Variants in MAST4 observed in about 807,000 individuals in gnomAD.
The protein encoded by MAST4 is microtubule-associated serine/threonine-protein kinase 4.
MAST4 carries 89 observed loss-of-function variants against 162.7 expected under a neutral mutation model. The observed-to-expected ratio is 0.55, with a 90% CI of 0.46 to 0.65. MAST4 has a LOEUF of 0.65. MAST4 is among the 30% of genes least tolerant of loss of function. The pLI, the probability that MAST4 is intolerant of heterozygous loss-of-function variation, is 0.00. For synonymous variants in MAST4, 1,479 were observed against 1,361.1 expected (o/e 1.09, Z -1.91); for missense variants, 3,153 against 3,374.0 (o/e 0.93, Z 1.62).
chr5:67,165,941 A>C lies in MAST4; in HGVS notation c.6762A>C (p.Pro2254=). 6.2e-7 allele frequency: 1 copy of C among 1,613,406 alleles called. No individual in the cohort carries two copies. Among genetic ancestry groups the C allele is most frequent in the Non-Finnish European group, 8.5e-7 (1 of 1,179,840 alleles). The change falls in exon 29 of 29, where the codon CCA becomes CCC. Residue 2254 remains proline, a synonymous_variant. Transcript: ENST00000403625. ...KSGPDVFPAT[P]GSQNKASDGI... is the part of the protein sequence containing the mutation. ...GGCCGGATGTGTTTCCTGCTACCCCAGGCTCCCAGAACAAAGCCAGCGATG... is the reference window on the plus strand; with the variant it reads ...GGCCGGATGTGTTTCCTGCTACCCCCGGCTCCCAGAACAAAGCCAGCGATG...
Position 66,817,126 on chromosome 5 carries a change from C to A in MAST4, c.642+28332C>A, listed in dbSNP as rs78643416. On this transcript the variant is annotated intron_variant, in intron 3 of 28. Coordinates refer to ENST00000403625, the MANE Select transcript of MAST4 (RefSeq NM_001164664.2). ...TTTGTTTATCCATGTGTCTTGCGAC[C>A]CCATGACTGCATTCTGGTGGGACTG... is the stretch of plus-strand genomic sequence containing the variant. Among the ~76,000 whole-genome samples, 664 of 152,238 alleles carry A rather than the reference C, an allele frequency of 4.4e-3. 6 individuals carry two copies. Among genetic ancestry groups the A allele is most frequent in the African/African-American group, 0.016 (646 of 41,552 alleles).
chr5:67,027,172 A>G (rs76063378), intron 4 of MAST4, among the ~76,000 whole-genome samples: 2,950 of 152,246 alleles, frequency 0.019, 115 homozygotes, highest in African/African-American at 0.068. Flanking sequence ...GCAGTTTTAT[A>G]CTTTAATGTT....
chr5:66,727,315 A>G (rs1179416201), intron 1 of MAST4, among the ~76,000 whole-genome samples: 2 of 152,132 alleles, frequency 1.3e-5, no homozygotes, highest in African/African-American at 2.4e-5. Flanking sequence ...TTCTATTTCA[A>G]TTTCTGCAAA....
chr5:66,774,815 A>T (rs75857369), intron 2 of MAST4, among the ~76,000 whole-genome samples: 2,298 of 152,282 alleles, frequency 0.015, 58 homozygotes, highest in African/African-American at 0.051. Flanking sequence ...GTTTACTTGA[A>T]TTTAAATGTA....
intron 4 of MAST4, among the ~76,000 whole-genome samples, chr5:66,968,847 C>G (rs1443372396): frequency 6.6e-6 from 1 of 152,066 alleles, no homozygotes. Flanking sequence ...AAGTTAGACC[C>G]CAGCTTATAT....
intron 3 of MAST4, among the ~76,000 whole-genome samples, chr5:66,891,228 C>G (rs1175018856): frequency 2.0e-5 from 3 of 152,052 alleles, no homozygotes; most frequent in Admixed American, 6.6e-5. Context: ...TGAATGGTAC[C>G]CTGTCCTGAG....
chr5:66,998,133 A>G (rs1320892044), intron 4 of MAST4, among the ~76,000 whole-genome samples: 2 of 152,252 alleles, frequency 1.3e-5, no homozygotes, highest in Non-Finnish European at 2.9e-5. Context: ...AATTACAGAA[A>G]GGTCTTAGTG....
intron 1 of MAST4, among the ~76,000 whole-genome samples, chr5:66,697,889 C>T (rs1225131390): frequency 6.6e-6 from 1 of 152,060 alleles, no homozygotes; most frequent in East Asian, 1.9e-4. Flanking sequence ...ACAAAGGGGG[C>T]CTGAAACCAA....
chr5:67,140,308 G>A (rs1443220576), intron 19 of MAST4, among the ~76,000 whole-genome samples: 4 of 152,328 alleles, frequency 2.6e-5, no homozygotes, highest in East Asian at 1.9e-4. Context: ...CTTAGCTTTC[G>A]TATTCTGTTT....
chr5:67,090,033 C>T (rs541824765), intron 5 of MAST4, 129 bp from the exon 6 acceptor site: 7 of 595,188 alleles, frequency 1.2e-5, no homozygotes, highest in South Asian at 3.5e-5. Flanking sequence ...CCAGGTAAAA[C>T]TAAAGCATTA....
At chr5:66,808,896 G>A (rs72761254) in intron 3 of MAST4, among the ~76,000 whole-genome samples, 11 of 152,170 alleles carry the variant, frequency 7.2e-5, no homozygotes, top group Admixed American at 2.0e-4. Flanking sequence ...CCCTGCCTTC[G>A]TGGAAATTAA....
intron 19 of MAST4, 76 bp downstream of exon 19, chr5:67,136,740 G>A (rs1316042447): frequency 8.3e-7 from 1 of 1,211,298 alleles, no homozygotes; most frequent in Non-Finnish European, 1.2e-6. Flanking sequence ...AGCTTTTGTT[G>A]TTGTTTTGCT....
intron 3 of MAST4, among the ~76,000 whole-genome samples, chr5:66,791,057 C>T (rs1755378801): frequency 6.6e-6 from 1 of 151,908 alleles, no homozygotes; most frequent in Non-Finnish European, 1.5e-5. Context: ...GAGTTTCGCT[C>T]CTGTTGCCCA....
chr5:66,963,965 T>C, intron 4 of MAST4: 1 of 707,098 alleles, frequency 1.4e-6, no homozygotes, highest in Admixed American at 2.0e-5. Context: ...TATTTACTCA[T>C]ATTTCACTTG....
intron 4 of MAST4, among the ~76,000 whole-genome samples, chr5:67,022,515 CAT>C (rs1223287021): frequency 1.3e-5 from 2 of 151,936 alleles, no homozygotes; most frequent in African/African-American, 2.4e-5. Flanking sequence ...AAAATTCCCT[CAT>C]GTGGAACTTG....
intron 1 of MAST4, among the ~76,000 whole-genome samples, chr5:66,674,118 C>G (rs945606310): frequency 6.6e-6 from 1 of 152,122 alleles, no homozygotes; most frequent in Admixed American, 6.6e-5. Flanking sequence ...GGTCATACAA[C>G]CTGATATTCC....
intron 1 of MAST4, among the ~76,000 whole-genome samples, chr5:66,628,595 C>G (rs981895497): frequency 1.2e-4 from 18 of 151,466 alleles, no homozygotes; most frequent in African/African-American, 4.1e-4. Context: ...TTTTTTTTAC[C>G]TTCAATCAAC....
At chr5:66,954,720 G>C (rs138606471) in intron 4 of MAST4, among the ~76,000 whole-genome samples, 1 of 152,092 alleles carries the variant, frequency 6.6e-6, no homozygotes, top group Non-Finnish European at 1.5e-5. Context: ...GGCCAACATG[G>C]TGAGACCCCA....
intron 1 of MAST4, among the ~76,000 whole-genome samples, chr5:66,695,214 A>G (rs760748520): frequency 1.2e-4 from 18 of 152,184 alleles, no homozygotes; most frequent in Non-Finnish European, 2.6e-4. Context: ...GAAGGGCTTC[A>G]GTTTTAATTT....
Sources: allele counts gnomAD v4.1 joint callset (sites outside exome capture counted in the v4.1 genomes callset), GRCh38; gene constraint gnomAD v4.1.1; transcripts MANE v1.5; gene names NCBI Gene and HGNC (gene_info 2026-07-23, HGNC 2026-07-21).